The following FAR2 variants were observed in gnomAD, a reference collection of about 807,000 sequenced individuals.
FAR2 encodes epididymis secretory protein Li 81.
Under a neutral mutation model 56.0 loss-of-function variants are expected in FAR2, and 19 were observed. The ratio of observed to expected loss-of-function variants is 0.34; its 90% CI spans 0.24 to 0.50. FAR2 has a LOEUF of 0.50. Among genes scored for constraint, FAR2 ranks in the 20% least tolerant of loss-of-function variants. The pLI is 0.98. For missense variants in FAR2, 508 were observed against 642.2 expected, an observed-to-expected ratio of 0.79 and a Z score of 2.26; for synonymous variants, 219 against 218.8, an observed-to-expected ratio of 1.00 and a Z score of -0.01.
Position 29,257,373 on chromosome 12 carries a change from C to A in FAR2, c.-38-13039C>A, listed in dbSNP as rs187054999. Among the ~76,000 whole-genome samples, 1,137 of 152,268 alleles carry A rather than the reference C, an allele frequency of 7.5e-3. 13 individuals are homozygous for A. Among genetic ancestry groups the A allele is most frequent in the African/African-American group, 0.026 (1,092 of 41,532 alleles). ...TCTAGCTCAGGGATTGTAAATGCAC[C>A]AATCAGCGCCCTGTCAAAACAGACC... On this transcript the variant is annotated intron_variant, in intron 1 of 11. Transcript: ENST00000536681.
intron 4 of FAR2, among the ~76,000 whole-genome samples, chr12:29,300,812 C>T (rs1323555385): frequency 1.3e-5 from 2 of 152,130 alleles, no homozygotes; most frequent in Non-Finnish European, 2.9e-5. Context: ...ACCATGACGA[C>T]GTAAAATGAA....
intron 7 of FAR2, 136 bp from the exon 8 acceptor site, chr12:29,311,747 C>T (rs1043834702): frequency 1.2e-5 from 7 of 583,318 alleles, no homozygotes; most frequent in South Asian, 4.5e-5. Context: ...AAAGAATGAA[C>T]GATGGAAGCC....
chr12:29,262,607 G>A (rs1232644031), intron 1 of FAR2, among the ~76,000 whole-genome samples: 1 of 152,078 alleles, frequency 6.6e-6, no homozygotes, highest in East Asian at 1.9e-4. Context: ...ACCAGCCTGG[G>A]CAACAAGAGC....
intron 1 of FAR2, among the ~76,000 whole-genome samples, chr12:29,176,180 GT>G (rs1447309669): frequency 2.2e-4 from 33 of 152,164 alleles, no homozygotes; most frequent in African/African-American, 7.7e-4. Context: ...TCATATGAAA[GT>G]TTTGGGGAAA....
chr12:29,213,871 C>T (rs981412774), intron 1 of FAR2, among the ~76,000 whole-genome samples: 3 of 152,084 alleles, frequency 2.0e-5, no homozygotes, highest in African/African-American at 7.2e-5. Context: ...CAGCTCCACT[C>T]AACCCCAAGA....
In FAR2 at chr12:29,332,580, T is replaced by C; in HGVS notation, c.1258-20T>C. The stretch of plus-strand genomic sequence containing the variant: ...CCAGCACTGCAATTCTGGCAATCTA[T>C]AATCTCTCTTGCCTCTCAGGTATTC... On this transcript the variant is annotated intron_variant, in intron 10 of 11. Coordinates refer to ENST00000536681, the MANE Select transcript of FAR2 (RefSeq NM_001271783.2). 1 of 1,613,244 alleles carries C rather than the reference T, an allele frequency of 6.2e-7. No homozygotes were observed. The highest frequency in any genetic ancestry group is 2.2e-5 in the East Asian group (1 of 44,862).
intron 10 of FAR2, 96 bp downstream of exon 10, chr12:29,322,020 G>T: frequency 7.3e-7 from 1 of 1,367,342 alleles, no homozygotes; most frequent in South Asian, 1.6e-5. Flanking sequence ...TAAGACGTTT[G>T]GTTATAGACA....
intron 1 of FAR2, among the ~76,000 whole-genome samples, chr12:29,172,467 C>T (rs1949897218): frequency 6.6e-6 from 1 of 152,204 alleles, no homozygotes; most frequent in South Asian, 2.1e-4. Context: ...TTTCTGTCCT[C>T]TCTGAACCAC....
At chr12:29,294,300 CA>C (rs2030706494) in intron 3 of FAR2, among the ~76,000 whole-genome samples, 1 of 151,844 alleles carries the variant, frequency 6.6e-6, no homozygotes, top group Non-Finnish European at 1.5e-5. Context: ...TCTATTGAAA[CA>C]TTTTTTTCTT....
intron 1 of FAR2, among the ~76,000 whole-genome samples, chr12:29,204,653 C>T (rs1305709577): frequency 2.0e-5 from 3 of 152,036 alleles, no homozygotes; most frequent in Non-Finnish European, 4.4e-5. Flanking sequence ...GATTGGCTCA[C>T]GGTTCTGCAG....
At chr12:29,241,623 TC>T (rs1948036944) in intron 1 of FAR2, among the ~76,000 whole-genome samples, 1 of 152,222 alleles carries the variant, frequency 6.6e-6, no homozygotes, top group Admixed American at 6.5e-5. Flanking sequence ...TCTCAATGTT[TC>T]CTTTGATGCT....
rs370784620 is a variant in FAR2, at chr12:29,187,570, A to T, written c.-39+38163A>T. Among the ~76,000 whole-genome samples the T allele has an allele frequency of 2.7e-4, 41 of 152,282 alleles. No homozygotes were observed. In the East Asian group the frequency reaches 6.6e-3, roughly 24 times the overall value. ...CAATCATGTCATCTTGTCTGAAAAG[A>T]TTTAAGGGAATGATTTATTCATAAT... On this transcript the variant is annotated intron_variant, in intron 1 of 11. Transcript: ENST00000536681.
intron 1 of FAR2, among the ~76,000 whole-genome samples, chr12:29,185,209 A>G (rs1950029716): frequency 6.6e-6 from 1 of 152,234 alleles, no homozygotes; most frequent in East Asian, 1.9e-4. Flanking sequence ...AAGGCAGCAT[A>G]TGGTTAAATT....
At chr12:29,330,465 T>C (rs989953959) in intron 10 of FAR2, among the ~76,000 whole-genome samples, 14 of 152,224 alleles carry the variant, frequency 9.2e-5, no homozygotes, top group African/African-American at 3.4e-4. Context: ...CATTATTAAA[T>C]GTTTACTGAA....
intron 1 of FAR2, among the ~76,000 whole-genome samples, chr12:29,241,653 G>A (rs977765136): frequency 6.6e-6 from 1 of 152,112 alleles, no homozygotes; most frequent in Admixed American, 6.6e-5. Flanking sequence ...TTTAAAAGAC[G>A]TATGAAATGT....
At position 29,280,654 on chromosome 12, in the gene FAR2, G is replaced by A. The variant is rs140258539; in HGVS notation, c.189+10016G>A. On this transcript the variant is annotated intron_variant, in intron 2 of 11. Transcript: ENST00000536681. ...AACACAGTAGGTGTAATTGGTAGAA[G>A]GCATTGCACTCCACAGTCATTCAAG... 13 of 152,326 alleles carry A rather than the reference G, an allele frequency of 8.5e-5. No individual in the cohort carries two copies. The East Asian group carries it at 2.5e-3, about 29-fold the overall frequency. 9.4% of individuals were successfully genotyped at this position (152,326 alleles called of 1,614,324 possible). A position where few individuals can be genotyped will look rare whatever the true frequency, so the allele number is the denominator to read the frequency against.
chr12:29,180,550 A>C (rs1174995609), intron 1 of FAR2, among the ~76,000 whole-genome samples: 1 of 152,154 alleles, frequency 6.6e-6, no homozygotes, highest in African/African-American at 2.4e-5. Context: ...AGTTAGAAAG[A>C]TATGATCCCT....
chr12:29,197,275 G>T (rs1052336591), intron 1 of FAR2, among the ~76,000 whole-genome samples: 8 of 152,176 alleles, frequency 5.3e-5, no homozygotes, highest in Non-Finnish European at 8.8e-5. Context: ...GTTTCCAAGA[G>T]AATCTGTCGT....
chr12:29,188,939 A>G (rs929152445), intron 1 of FAR2, among the ~76,000 whole-genome samples: 135 of 152,158 alleles, frequency 8.9e-4, no homozygotes, highest in African/African-American at 1.8e-3. Flanking sequence ...CCTTCTTATC[A>G]TATCATATCA....
Sources: allele counts gnomAD v4.1 joint callset (sites outside exome capture counted in the v4.1 genomes callset), GRCh38; gene constraint gnomAD v4.1.1; transcripts MANE v1.5; gene names NCBI Gene and HGNC (gene_info 2026-07-23, HGNC 2026-07-21).